Variants in GLRA2 observed in about 807,000 individuals in gnomAD.
GLRA2 encodes glycine receptor alpha 2.
In GLRA2, 11 loss-of-function variants were observed where a neutral mutation model predicts 31.6. The ratio of observed to expected loss-of-function variants is 0.35; its 90% CI spans 0.22 to 0.58. GLRA2 has a LOEUF of 0.58. Ranked by LOEUF, GLRA2 falls within the 20% of genes least tolerant of loss-of-function variation. The pLI, the probability that GLRA2 is intolerant of heterozygous loss-of-function variation, is 0.84. For synonymous variants in GLRA2, 132 were observed against 134.0 expected (o/e 0.99, Z 0.10); for missense variants, 212 against 351.8 (o/e 0.60, Z 3.18).
In GLRA2 at chrX:14,683,341, A is replaced by G. The variant is rs184113784; in HGVS notation, c.931-7369A>G. On this transcript the variant is annotated intron_variant, in intron 7 of 8. Coordinates refer to ENST00000218075, the MANE Select transcript of GLRA2 (RefSeq NM_002063.4). ...TTTTCATGTGTCTGTTGGCTGCATAAATGTCTTCTTTTGAGAAGTGTCTGT... is the reference window on the plus strand; with the variant it reads ...TTTTCATGTGTCTGTTGGCTGCATAGATGTCTTCTTTTGAGAAGTGTCTGT... Among the ~76,000 whole-genome samples, 934 of 111,841 alleles carry G rather than the reference A, an allele frequency of 8.4e-3. 9 individuals carry two copies. Among genetic ancestry groups the G allele is most frequent in the African/African-American group, 0.028 (864 of 30,739 alleles).
At chrX:14,730,180 G>A (rs975975370) in intron 8 of GLRA2, 27 bp from the exon 9 acceptor site, 1 of 1,153,670 alleles carries the variant, frequency 8.7e-7, no homozygotes, top group African/African-American at 1.8e-5. Flanking sequence ...CAACCAATCT[G>A]TGCTTCCTCT....
At chrX:14,450,587 C>A in the GLRA2 span, among the ~76,000 whole-genome samples, 2 of 112,067 alleles carry the variant, frequency 1.8e-5, no homozygotes, top group Admixed American at 1.9e-4. Flanking sequence ...GGCCCTTACT[C>A]TTAAGCGCCA....
At chrX:14,448,995 G>A in the GLRA2 span, among the ~76,000 whole-genome samples, 1 of 111,481 alleles carries the variant, frequency 9.0e-6, no homozygotes, top group Non-Finnish European at 1.9e-5. Flanking sequence ...TGCCTACCCC[G>A]CCACCCCACC....
At chrX:14,465,635 G>A in the GLRA2 span, among the ~76,000 whole-genome samples, 1 of 112,091 alleles carries the variant, frequency 8.9e-6, no homozygotes, top group African/African-American at 3.2e-5. Context: ...TTCTGTCCTA[G>A]GTGTGAGAAA....
the GLRA2 span, among the ~76,000 whole-genome samples, chrX:14,469,962 G>A: frequency 9.0e-6 from 1 of 111,670 alleles, no homozygotes; most frequent in Non-Finnish European, 1.9e-5. Context: ...TGCACCTTAT[G>A]TAGAATTTGA....
chrX:14,499,729 A>G, the GLRA2 span, among the ~76,000 whole-genome samples: 2 of 111,261 alleles, frequency 1.8e-5, no homozygotes, highest in Non-Finnish European at 3.8e-5. Flanking sequence ...GCAAGGGCTG[A>G]AAAACCTCCT....
At chrX:14,579,465 GTCTACAGGC>G (rs2089992782) in intron 3 of GLRA2, among the ~76,000 whole-genome samples, 1 of 110,811 alleles carries the variant, frequency 9.0e-6, no homozygotes, top group African/African-American at 3.3e-5. Context: ...GAGTAGCTGG[GTCTACAGGC>G]ATGCACCAGC....
At chrX:14,485,889 A>C in the GLRA2 span, among the ~76,000 whole-genome samples, 8 of 112,086 alleles carry the variant, frequency 7.1e-5, no homozygotes, top group East Asian at 2.3e-3. Context: ...TCCATGATCT[A>C]TCCCTATAGT....
upstream of GLRA2, among the ~76,000 whole-genome samples, chrX:14,527,209 C>A (rs2089190350): frequency 9.0e-6 from 1 of 111,602 alleles, no homozygotes; most frequent in South Asian, 3.8e-4. Flanking sequence ...CTCTAATGTC[C>A]CTTACAACTC....
intron 7 of GLRA2, among the ~76,000 whole-genome samples, chrX:14,657,075 T>A (rs767075622): frequency 8.0e-5 from 9 of 111,928 alleles, no homozygotes; most frequent in Non-Finnish European, 1.3e-4. Flanking sequence ...AAGCTAATGA[T>A]GGTCAAGCGC....
At chrX:14,528,980 A>C (rs1569484643), upstream of GLRA2, among the ~76,000 whole-genome samples, 1 of 111,552 alleles carries the variant, frequency 9.0e-6, no homozygotes, top group Admixed American at 9.5e-5. Flanking sequence ...AAATGAAAAC[A>C]TTAAAAAGGC....
the GLRA2 span, among the ~76,000 whole-genome samples, chrX:14,478,145 T>C: frequency 9.0e-6 from 1 of 111,074 alleles, no homozygotes; most frequent in Non-Finnish European, 1.9e-5. Context: ...AGAAGACTTA[T>C]AGAGGGATGC....
At chrX:14,693,100 T>G (rs1247953515) in intron 8 of GLRA2, among the ~76,000 whole-genome samples, 2 of 104,035 alleles carry the variant, frequency 1.9e-5, no homozygotes, top group Non-Finnish European at 3.9e-5. Context: ...AGAAAGCAAA[T>G]AGAGAAGTGG....
chrX:14,587,328 C>G (rs780142954), intron 4 of GLRA2, among the ~76,000 whole-genome samples: 1 of 111,792 alleles, frequency 8.9e-6, no homozygotes. Flanking sequence ...ATTGCTGGTT[C>G]GAATAGTATC....
intron 8 of GLRA2, among the ~76,000 whole-genome samples, chrX:14,705,025 T>C (rs2147219387): frequency 1.8e-5 from 2 of 112,324 alleles, no homozygotes; most frequent in South Asian, 7.4e-4. Context: ...AGAAGCAGCA[T>C]TTGTAAAGTT....
chrX:14,678,231 G>C (rs925082895), intron 7 of GLRA2, among the ~76,000 whole-genome samples: 2 of 112,318 alleles, frequency 1.8e-5, no homozygotes, highest in Non-Finnish European at 3.8e-5. Flanking sequence ...TGATTAACTA[G>C]GGTAGACACA....
At chrX:14,592,353 C>T (rs1335514755) in intron 4 of GLRA2, among the ~76,000 whole-genome samples, 4 of 111,028 alleles carry the variant, frequency 3.6e-5, no homozygotes, top group Non-Finnish European at 7.5e-5. Context: ...TTTGGACTAC[C>T]TGTAATTTAA....
the GLRA2 span, among the ~76,000 whole-genome samples, chrX:14,459,118 A>G: frequency 8.9e-6 from 1 of 111,989 alleles, no homozygotes; most frequent in Non-Finnish European, 1.9e-5. Context: ...AGCACCATTT[A>G]TTAAATAGGA....
At chrX:14,488,138 A>T in the GLRA2 span, among the ~76,000 whole-genome samples, 4 of 112,048 alleles carry the variant, frequency 3.6e-5, no homozygotes, top group Admixed American at 1.9e-4. Context: ...AGTTGCCTAG[A>T]AAGCTGACAT....
Sources: allele counts gnomAD v4.1 joint callset (sites outside exome capture counted in the v4.1 genomes callset), GRCh38; gene constraint gnomAD v4.1.1; transcripts MANE v1.5; gene names NCBI Gene and HGNC (gene_info 2026-07-23, HGNC 2026-07-21).